Variants in EXOC6 observed in about 807,000 individuals in gnomAD.
EXOC6 encodes SEC15-like 1.
In EXOC6, 60 loss-of-function variants were observed where a neutral mutation model predicts 112.5. The ratio of observed to expected loss-of-function variants is 0.53; its 90% CI spans 0.43 to 0.66. The LOEUF (loss-of-function observed/expected upper bound fraction) is 0.66. Ranked by LOEUF, EXOC6 falls within the 30% of genes least tolerant of loss-of-function variation. The probability of loss-of-function intolerance (pLI) is 0.00; values close to 1 mark genes in which losing one functional copy is unlikely to be tolerated. For missense variants in EXOC6, 855 were observed against 957.1 expected (o/e 0.89, Z 1.41); for synonymous variants, 295 against 308.0 (o/e 0.96, Z 0.44).
chr10:92,989,811 A>G (rs527896441), intron 18 of EXOC6, among the ~76,000 whole-genome samples: 1 of 152,366 alleles, frequency 6.6e-6, no homozygotes, highest in African/African-American at 2.4e-5. Flanking sequence ...GCAGGGACAG[A>G]TAATGGGATC....
At chr10:93,038,040 CAAAAAAAAAAAAAAAA>C (rs1156726278) in intron 20 of EXOC6, among the ~76,000 whole-genome samples, 1 of 26,580 alleles carries the variant, frequency 3.8e-5, no homozygotes, top group Non-Finnish European at 6.8e-5. Context: ...ACTCCGTCTC[CAAAAAAAAAAAAAAAA>C]AAAAAAAAAA....
intron 7 of EXOC6, among the ~76,000 whole-genome samples, chr10:92,916,683 C>G (rs1851110602): frequency 6.6e-6 from 1 of 152,222 alleles, no homozygotes; most frequent in Non-Finnish European, 1.5e-5. Flanking sequence ...CCCTAACCTC[C>G]TTTGTTCTGC....
intron 17 of EXOC6, among the ~76,000 whole-genome samples, chr10:92,962,755 A>G (rs1374253964): frequency 2.0e-5 from 3 of 152,194 alleles, no homozygotes; most frequent in Admixed American, 2.0e-4. Context: ...GTTCTTGACC[A>G]CTAGGATTCT....
At chr10:92,880,567 G>A (rs1848910437) in intron 1 of EXOC6, among the ~76,000 whole-genome samples, 1 of 152,074 alleles carries the variant, frequency 6.6e-6, no homozygotes, top group African/African-American at 2.4e-5. Flanking sequence ...AGTTCTCAAG[G>A]AACTTAGAAG....
intron 1 of EXOC6, among the ~76,000 whole-genome samples, chr10:92,863,166 A>G (rs965389093): frequency 6.6e-6 from 1 of 152,232 alleles, no homozygotes; most frequent in Non-Finnish European, 1.5e-5. Flanking sequence ...TTTATTACAT[A>G]ACAGCTACTT....
In EXOC6 at chr10:92,896,143, ATG is replaced by A. The variant is rs1215853853; in HGVS notation, c.412+1127_412+1128del. 7.7e-4 allele frequency among the ~76,000 whole-genome samples: 20 copies of A among 26,060 alleles called. 1 individual carries two copies. The highest frequency in any genetic ancestry group is 4.1e-3 in the African/African-American group (20 of 4,912). The allele number at this position is 26,060 out of a possible 152,430, so 17.1% of individuals were successfully genotyped here. On this transcript the variant is annotated intron_variant, in intron 4 of 21. Coordinates refer to ENST00000260762, the MANE Select transcript of EXOC6 (RefSeq NM_019053.6). ...TATGTGTGTGTGTGTGTGTGTATGT[ATG>A]TGTATATATATATATATATATATAT... is the stretch of plus-strand genomic sequence containing the variant.
intron 1 of EXOC6, among the ~76,000 whole-genome samples, chr10:92,836,252 C>T (rs1316200668): frequency 6.6e-6 from 1 of 152,234 alleles, no homozygotes. Flanking sequence ...TTTGTCTGTC[C>T]TTAGAACTAA....
intron 8 of EXOC6, among the ~76,000 whole-genome samples, chr10:92,922,461 T>C (rs1275557790): frequency 6.6e-6 from 1 of 152,192 alleles, no homozygotes; most frequent in East Asian, 1.9e-4. Flanking sequence ...TATCAGGCAG[T>C]AAATGTTAAA....
chr10:92,885,731 A>G (rs1020910810), intron 1 of EXOC6, among the ~76,000 whole-genome samples: 8 of 152,072 alleles, frequency 5.3e-5, no homozygotes, highest in African/African-American at 1.7e-4. Context: ...GTTGCATTAA[A>G]TTTTGCCAGA....
At chr10:92,886,441 GTGCACATCA>G (rs1832443249) in intron 1 of EXOC6, among the ~76,000 whole-genome samples, 1 of 152,192 alleles carries the variant, frequency 6.6e-6, no homozygotes, top group Non-Finnish European at 1.5e-5. Flanking sequence ...GGGTGCAACA[GTGCACATCA>G]GGGATTCCCT....
chr10:93,015,692 C>T (rs1026597575), intron 20 of EXOC6, among the ~76,000 whole-genome samples: 1 of 151,688 alleles, frequency 6.6e-6, no homozygotes, highest in Non-Finnish European at 1.5e-5. Context: ...AAGATTGTGC[C>T]ATTGCACTCC....
intron 6 of EXOC6, among the ~76,000 whole-genome samples, chr10:92,914,791 C>A (rs1027000213): frequency 8.5e-5 from 13 of 152,096 alleles, no homozygotes; most frequent in African/African-American, 3.1e-4. Context: ...CCTAAAATAG[C>A]CAGTGCACGA....
intron 1 of EXOC6, among the ~76,000 whole-genome samples, chr10:92,829,050 A>G (rs140730027): frequency 9.5e-4 from 145 of 152,298 alleles, no homozygotes; most frequent in Middle Eastern, 3.4e-3. Flanking sequence ...TTGCGCGGGT[A>G]GAATGCTGGC....
At chr10:92,951,141 A>G (rs1853383151) in intron 14 of EXOC6, among the ~76,000 whole-genome samples, 2 of 152,250 alleles carry the variant, frequency 1.3e-5, no homozygotes, top group African/African-American at 2.4e-5. Flanking sequence ...TGAGTAACTC[A>G]TCTCAATGGT....
At chr10:93,033,904 A>T (rs1399596678) in intron 20 of EXOC6, among the ~76,000 whole-genome samples, 1 of 152,210 alleles carries the variant, frequency 6.6e-6, no homozygotes, top group Non-Finnish European at 1.5e-5. Flanking sequence ...CAGCTAAAGG[A>T]TAAAAAGTTA....
upstream of EXOC6, chr10:92,834,670 T>C: frequency 7.9e-7 from 1 of 1,267,884 alleles, no homozygotes; most frequent in South Asian, 1.4e-5. Context: ...TTTTTTTTTT[T>C]ATAAATTACA....
intron 12 of EXOC6, among the ~76,000 whole-genome samples, chr10:92,937,359 C>T (rs1852402483): frequency 6.6e-6 from 1 of 152,128 alleles, no homozygotes; most frequent in Non-Finnish European, 1.5e-5. Context: ...CAGCATTTTC[C>T]CAATATATTT....
At chr10:92,983,009 G>A (rs758329728) in intron 18 of EXOC6, among the ~76,000 whole-genome samples, 6 of 152,160 alleles carry the variant, frequency 3.9e-5, no homozygotes, top group Non-Finnish European at 7.3e-5. Context: ...GAAATGGATA[G>A]TATCTAACTT....
intron 1 of EXOC6, among the ~76,000 whole-genome samples, chr10:92,857,267 A>G (rs1379173175): frequency 6.6e-6 from 1 of 151,934 alleles, no homozygotes; most frequent in East Asian, 1.9e-4. Context: ...GGGAATTTAG[A>G]AAAAAGTTAG....
Sources: allele counts gnomAD v4.1 joint callset (sites outside exome capture counted in the v4.1 genomes callset), GRCh38; gene constraint gnomAD v4.1.1; transcripts MANE v1.5; gene names NCBI Gene and HGNC (gene_info 2026-07-23, HGNC 2026-07-21).